SLC36A1: variants seen among roughly 807,000 people sequenced by gnomAD.
SLC36A1 encodes the protein solute carrier family 36 member 1.
Under a neutral mutation model 47.5 loss-of-function variants are expected in SLC36A1, and 30 were observed. The observed-to-expected ratio is 0.63, with a 90% CI of 0.47 to 0.86. The LOEUF is 0.86. SLC36A1 is among the 40% of genes least tolerant of loss of function. SLC36A1 has a pLI of 0.00. For synonymous variants in SLC36A1, 255 were observed against 249.7 expected (o/e 1.02, Z -0.20); for missense variants, 517 against 606.0 (o/e 0.85, Z 1.54).
chr5:151,505,404 A>G, the SLC36A1 span: 7 of 806,032 alleles, frequency 8.7e-6, no homozygotes, highest in South Asian at 1.3e-4. Flanking sequence ...CTCAGGGACT[A>G]GGTGGGGGAT....
the SLC36A1 span, chr5:151,380,282 C>T: frequency 6.7e-5 from 17 of 253,686 alleles, no homozygotes; most frequent in Non-Finnish European, 1.0e-4. Flanking sequence ...GTCCGGAGTT[C>T]GAGACCAGCT....
the SLC36A1 span, chr5:151,381,867 A>C: frequency 4.3e-6 from 1 of 232,756 alleles, no homozygotes; most frequent in Non-Finnish European, 8.2e-6. Flanking sequence ...TAATAATAAG[A>C]CTGGTCTCCC....
upstream of SLC36A1, among the ~76,000 whole-genome samples, chr5:151,436,713 A>G (rs1759794182): frequency 6.8e-6 from 1 of 148,008 alleles, no homozygotes; most frequent in Non-Finnish European, 1.5e-5. Context: ...TATCATATAT[A>G]ATGATACATT....
At chr5:151,464,109 A>T (rs1258372791) in intron 3 of SLC36A1, among the ~76,000 whole-genome samples, 1 of 152,094 alleles carries the variant, frequency 6.6e-6, no homozygotes, top group African/African-American at 2.4e-5. Flanking sequence ...TTGAAGAGAG[A>T]CTCAGAGATG....
the SLC36A1 span, chr5:151,521,486 T>G: frequency 6.2e-7 from 1 of 1,614,236 alleles, no homozygotes; most frequent in Admixed American, 1.7e-5. Context: ...GAGTGAGTGA[T>G]GATGGATGCT....
At chr5:151,476,828 C>G (rs1249353786) in intron 9 of SLC36A1, 72 bp downstream of exon 9, 11 of 1,548,018 alleles carry the variant, frequency 7.1e-6, no homozygotes, top group Non-Finnish European at 9.7e-6. Context: ...AGTGTGGATT[C>G]TCCCTCTTAC....
chr5:151,468,266 A>AATATATATAT (rs1554113501), intron 7 of SLC36A1, among the ~76,000 whole-genome samples: 7 of 63,830 alleles, frequency 1.1e-4, no homozygotes, highest in African/African-American at 3.5e-4. Context: ...AAAAAAAAAA[A>AATATATATAT]ATATATATAT....
chr5:151,422,907 A>T, the SLC36A1 span, among the ~76,000 whole-genome samples: 2 of 152,046 alleles, frequency 1.3e-5, no homozygotes, highest in South Asian at 2.1e-4. Context: ...GCATCACTGC[A>T]CTCCATTCTG....
At chr5:151,419,731 G>A in the SLC36A1 span, among the ~76,000 whole-genome samples, 1 of 152,036 alleles carries the variant, frequency 6.6e-6, no homozygotes, top group Non-Finnish European at 1.5e-5. Flanking sequence ...GCTGGACTGG[G>A]GATCAACTTT....
At chr5:151,428,164 T>C in the SLC36A1 span, among the ~76,000 whole-genome samples, 2 of 152,228 alleles carry the variant, frequency 1.3e-5, no homozygotes, top group Admixed American at 1.3e-4. Context: ...CTAATGGCTA[T>C]GTAAGCCTTT....
the SLC36A1 span, chr5:151,380,851 C>T: frequency 2.2e-6 from 1 of 451,450 alleles, no homozygotes. Context: ...CTCCAGGACA[C>T]AGCAAAACAA....
the SLC36A1 span, among the ~76,000 whole-genome samples, chr5:151,373,381 G>A: frequency 0.47 from 71,920 of 151,924 alleles, 18,319 homozygotes; most frequent in African/African-American, 0.68. Context: ...AAAAATAAAG[G>A]GAAAACCTTG....
the SLC36A1 span, among the ~76,000 whole-genome samples, chr5:151,424,011 A>G: frequency 6.6e-6 from 1 of 152,228 alleles, no homozygotes; most frequent in Non-Finnish European, 1.5e-5. Flanking sequence ...TATTTAAGAA[A>G]TGTACACGGG....
At chr5:151,426,550 T>C in the SLC36A1 span, among the ~76,000 whole-genome samples, 1 of 152,078 alleles carries the variant, frequency 6.6e-6, no homozygotes, top group Non-Finnish European at 1.5e-5. Context: ...CCAGCATGTC[T>C]CACCTCCAGC....
the SLC36A1 span, among the ~76,000 whole-genome samples, chr5:151,355,817 C>T: frequency 6.6e-6 from 1 of 152,136 alleles, no homozygotes; most frequent in East Asian, 1.9e-4. Context: ...TCTCCAACTG[C>T]AAGAACCCAA....
chr5:151,453,028 C>T (rs1020133114), intron 1 of SLC36A1, among the ~76,000 whole-genome samples: 3 of 151,720 alleles, frequency 2.0e-5, no homozygotes, highest in African/African-American at 7.3e-5. Context: ...ATGATGAAAC[C>T]CCGTCTCTAC....
At chr5:151,349,995 A>G in the SLC36A1 span, among the ~76,000 whole-genome samples, 1 of 152,142 alleles carries the variant, frequency 6.6e-6, no homozygotes, top group Non-Finnish European at 1.5e-5. Flanking sequence ...GAGCTGGGAA[A>G]TATTTGCCTG....
At chr5:151,543,213 T>C in the SLC36A1 span, 8 of 1,614,206 alleles carry the variant, frequency 5.0e-6, no homozygotes, top group Non-Finnish European at 6.8e-6. Flanking sequence ...CACCAGTGAC[T>C]GGGTTAATTT....
intron 9 of SLC36A1, 150 bp from the exon 10 acceptor site, chr5:151,479,170 T>C (rs2127531582): frequency 1.4e-6 from 1 of 710,528 alleles, no homozygotes; most frequent in South Asian, 2.1e-5. Context: ...TGAGGTAAAT[T>C]TCTAGACATG....
Sources: gnomAD v4.1 joint callset for allele counts (sites outside exome capture counted in the v4.1 genomes callset) on GRCh38, gnomAD v4.1.1 for gene constraint, MANE v1.5 for transcripts, NCBI Gene and HGNC (gene_info 2026-07-23, HGNC 2026-07-21) for gene names.